Variants in DGKI observed in about 807,000 individuals in gnomAD.
The protein encoded by DGKI is DAG kinase iota.
DGKI carries 55 observed loss-of-function variants against 147.5 expected under a neutral mutation model. The observed-to-expected ratio is 0.37, with a 90% confidence interval of 0.30 to 0.47. DGKI has a LOEUF of 0.47. Ranked by LOEUF, DGKI falls within the 20% of genes least tolerant of loss-of-function variation. The pLI is 1.00. For missense variants in DGKI, 1,007 were observed against 1,323.8 expected (o/e 0.76, Z 3.71); for synonymous variants, 469 against 477.1 (o/e 0.98, Z 0.22).
At chr7:137,704,964 G>A (rs1376939425) in intron 1 of DGKI, among the ~76,000 whole-genome samples, 1 of 152,108 alleles carries the variant, frequency 6.6e-6, no homozygotes, top group Non-Finnish European at 1.5e-5. Context: ...AATTCTATGT[G>A]GATGCTTCAC....
rs141664688 is a variant in DGKI at position 137,521,907 on chromosome 7, T to C, written c.2207A>G (p.Tyr736Cys). Reference sequence around the variant, plus strand: ...CTCCTTGTCATAGTGGAATCCTTCATAGTCTTGTAAACTGATTTTGTTCAC... The same window carrying C: ...CTCCTTGTCATAGTGGAATCCTTCACAGTCTTGTAAACTGATTTTGTTCAC... ...IRVNKISLQDYEGFHYDKEKL... is the reference protein window; with the variant it reads ...IRVNKISLQDCEGFHYDKEKL... The change falls in exon 21 of 33, where the codon TAT becomes TGT. Residue 736 changes from tyrosine to cysteine, a missense_variant. Physicochemically the swap from Tyr to Cys is radical, Grantham distance 194. This residue lies in a region of DGKI where 385 missense variants were observed against 445.2 expected (regional missense o/e 0.86). Coordinates refer to ENST00000614521, the MANE Select transcript of DGKI (RefSeq NM_001321708.2). 1.1e-5 allele frequency: 18 copies of C among 1,612,092 alleles called. No homozygotes were observed. The highest frequency in any genetic ancestry group is 2.2e-5 in the South Asian group (2 of 91,006).
intron 21 of DGKI, among the ~76,000 whole-genome samples, chr7:137,491,632 T>C (rs1815766391): frequency 6.6e-6 from 1 of 152,240 alleles, no homozygotes; most frequent in East Asian, 1.9e-4. Context: ...CTCATAATTC[T>C]TGTACTCCAA....
At chr7:137,518,795 T>C (rs1274538505) in intron 21 of DGKI, among the ~76,000 whole-genome samples, 2 of 152,082 alleles carry the variant, frequency 1.3e-5, no homozygotes, top group Non-Finnish European at 2.9e-5. Flanking sequence ...GAATCTCTTC[T>C]GGGGTTAGAA....
intron 21 of DGKI, among the ~76,000 whole-genome samples, chr7:137,501,987 G>C (rs149118363): frequency 6.6e-6 from 1 of 152,254 alleles, no homozygotes; most frequent in African/African-American, 2.4e-5. Flanking sequence ...TTTAAAAATG[G>C]GAGTTTGCCT....
chr7:137,407,741 G>T lies in DGKI; in HGVS notation c.2920+134C>A, dbSNP rs954609544. 4 of 1,147,476 alleles carry T rather than the reference G, an allele frequency of 3.5e-6. No individual in the cohort carries two copies. In the African/African-American group the frequency reaches 6.1e-5, roughly 18 times the overall value. 71.1% of individuals were successfully genotyped at this position (1,147,476 alleles called of 1,614,324 possible). A position where few individuals can be genotyped will look rare whatever the true frequency, so the allele number is the denominator to read the frequency against. ...CCACGACTGCCTCAAATAAGCAGGG[G>T]CAGAGTCTGCTAAAAGTTCGAGAGT... On this transcript the variant is annotated intron_variant, in intron 30 of 32. Coordinates refer to ENST00000614521, the MANE Select transcript of DGKI (RefSeq NM_001321708.2).
intron 8 of DGKI, among the ~76,000 whole-genome samples, chr7:137,612,519 T>C (rs1820399733): frequency 6.6e-6 from 1 of 152,158 alleles, no homozygotes; most frequent in African/African-American, 2.4e-5. Flanking sequence ...TATAAATATG[T>C]ATCTATCTCT....
intron 19 of DGKI, among the ~76,000 whole-genome samples, chr7:137,564,136 A>T (rs139619729): frequency 1.5e-3 from 222 of 152,298 alleles, no homozygotes; most frequent in African/African-American, 5.1e-3. Context: ...ACAGAAAAGG[A>T]AAGTTTATTC....
chr7:137,673,782 G>A lies in DGKI; in HGVS notation c.606+4775C>T, dbSNP rs185051386. Among the ~76,000 whole-genome samples, 15 of 152,264 alleles carry A rather than the reference G, an allele frequency of 9.9e-5. No individual in the cohort carries two copies. The East Asian group carries it at 1.9e-3, about 20-fold the overall frequency. ...TTCTTTCAAGTCTGAGTAGGTGCACGATGGTATGGACTCCAGGGATTACTA... is the reference window on the plus strand; with the variant it reads ...TTCTTTCAAGTCTGAGTAGGTGCACAATGGTATGGACTCCAGGGATTACTA... On this transcript the variant is annotated intron_variant, in intron 3 of 32. Transcript: ENST00000614521.
At chr7:137,687,416 G>A (rs1408794910) in intron 2 of DGKI, among the ~76,000 whole-genome samples, 6 of 152,152 alleles carry the variant, frequency 3.9e-5, no homozygotes, top group African/African-American at 1.4e-4. Context: ...TAGAAGATGA[G>A]GGAATCAAAC....
chr7:137,404,379 G>A (rs1811865061), intron 30 of DGKI, among the ~76,000 whole-genome samples: 1 of 152,198 alleles, frequency 6.6e-6, no homozygotes, highest in Admixed American at 6.5e-5. Flanking sequence ...AAATGAAATT[G>A]ACAATGTCTA....
At chr7:137,829,386 A>T (rs1798156589) in intron 1 of DGKI, among the ~76,000 whole-genome samples, 1 of 152,206 alleles carries the variant, frequency 6.6e-6, no homozygotes, top group Non-Finnish European at 1.5e-5. Flanking sequence ...TAATTCAAGA[A>T]CTTCATCATT....
chr7:137,588,326 C>G (rs1233023019), intron 12 of DGKI, among the ~76,000 whole-genome samples: 1 of 151,978 alleles, frequency 6.6e-6, no homozygotes, highest in Non-Finnish European at 1.5e-5. Flanking sequence ...CTCAAAAATA[C>G]TAGATCATTT....
chr7:137,474,944 T>A (rs1263517198), intron 23 of DGKI, among the ~76,000 whole-genome samples: 3 of 152,204 alleles, frequency 2.0e-5, no homozygotes, highest in African/African-American at 7.2e-5. Flanking sequence ...ATATCTATCA[T>A]AAAGGGTTCT....
chr7:137,731,500 ATCT>A lies in DGKI; in HGVS notation c.402-41501_402-41499del, dbSNP rs199501830. ...CTTTTATCATTACGGCATCATCGTC[ATCT>A]TCTTCTTCATCATCATTATGTGCCT... On this transcript the variant is annotated intron_variant, in intron 1 of 32. Transcript: ENST00000614521. Among the ~76,000 whole-genome samples the A allele has an allele frequency of 4.0e-4, 61 of 152,200 alleles. No individual in the cohort carries two copies. The East Asian group carries it at 0.01, about 26-fold the overall frequency.
chr7:137,521,882 C>T lies in DGKI; in HGVS notation c.2232G>A (p.Glu744=), dbSNP rs1250060878. The T allele has an allele frequency of 1.2e-6, 2 of 1,611,334 alleles. No homozygotes were observed. The highest frequency in any genetic ancestry group is 1.7e-6 in the Non-Finnish European group (2 of 1,178,350). The change falls in exon 21 of 33, where the codon GAG becomes GAA. Residue 744 remains glutamate (E), a synonymous_variant. Coordinates refer to ENST00000614521, the MANE Select transcript of DGKI (RefSeq NM_001321708.2). The part of the protein sequence containing the change: ...QDYEGFHYDK[E]KLREASIPLG... ...CCAACTTACAAGCTTCTCGGAGTTT[C>T]TCCTTGTCATAGTGGAATCCTTCAT...
intron 2 of DGKI, among the ~76,000 whole-genome samples, chr7:137,687,999 T>C (rs1823479117): frequency 6.6e-6 from 1 of 152,206 alleles, no homozygotes; most frequent in Non-Finnish European, 1.5e-5. Flanking sequence ...AAATACCATT[T>C]TGATGAAATA....
intron 32 of DGKI, among the ~76,000 whole-genome samples, chr7:137,395,186 A>T (rs553519917): frequency 1.4e-4 from 21 of 152,328 alleles, no homozygotes; most frequent in Non-Finnish European, 2.6e-4. Flanking sequence ...GGGGCCATAT[A>T]AATCATAGAA....
chr7:137,703,896 T>C (rs963573929), intron 1 of DGKI, among the ~76,000 whole-genome samples: 5 of 152,180 alleles, frequency 3.3e-5, no homozygotes, highest in Admixed American at 3.3e-4. Context: ...AAAAATTTTT[T>C]TGGAGAAGAT....
At chr7:137,414,508 A>G (rs1163142964) in intron 28 of DGKI, among the ~76,000 whole-genome samples, 1 of 148,674 alleles carries the variant, frequency 6.7e-6, no homozygotes, top group African/African-American at 2.5e-5. Flanking sequence ...TGAAAATAAG[A>G]GAAAGGGAAT....
Sources: allele counts gnomAD v4.1 joint callset (sites outside exome capture counted in the v4.1 genomes callset), GRCh38; gene constraint gnomAD v4.1.1; regional missense constraint gnomAD v4.1.1; transcripts MANE v1.5; gene names NCBI Gene and HGNC (gene_info 2026-07-23, HGNC 2026-07-21).